THRB: variants seen among roughly 807,000 people sequenced by gnomAD.
THRB encodes the protein thyroid hormone receptor beta.
A neutral mutation model predicts 47.8 loss-of-function variants in THRB; 12 were observed. The ratio of observed to expected loss-of-function variants is 0.25; its 90% CI spans 0.16 to 0.41. The LOEUF (loss-of-function observed/expected upper bound fraction) is 0.41. Ranked by LOEUF, THRB falls within the 10% of genes least tolerant of loss-of-function variation. THRB has a pLI of 1.00. For missense variants in THRB, 348 were observed against 589.2 expected, an observed-to-expected ratio of 0.59 and a Z score of 4.24; for synonymous variants, 218 against 212.2, an observed-to-expected ratio of 1.03 and a Z score of -0.24.
chr3:24,416,772 T>A (rs1305321382), intron 1 of THRB, among the ~76,000 whole-genome samples: 1 of 151,792 alleles, frequency 6.6e-6, no homozygotes, highest in Non-Finnish European at 1.5e-5. Context: ...AAATGCAGAT[T>A]TCTAGGCCCT....
chr3:24,397,773 CG>C (rs1560098675), intron 1 of THRB, among the ~76,000 whole-genome samples: 20 of 151,736 alleles, frequency 1.3e-4, no homozygotes, highest in African/African-American at 4.4e-4. Flanking sequence ...TTAGTAGAGA[CG>C]GGGTTTCACT....
chr3:24,209,708 G>A (rs2045810995), intron 4 of THRB, among the ~76,000 whole-genome samples: 1 of 152,138 alleles, frequency 6.6e-6, no homozygotes, highest in South Asian at 2.1e-4. Flanking sequence ...ATAGCATTAG[G>A]AGATATACCT....
rs553652713 is a variant in THRB, at chr3:24,157,708, G to T, written c.284-5218C>A. Reference sequence around the variant, plus strand: ...ACCACACCTGGCTAATTTTGAAGTTGTTTCGTAGAGATGGGGTCTTGCTAT... The same window carrying T: ...ACCACACCTGGCTAATTTTGAAGTTTTTTCGTAGAGATGGGGTCTTGCTAT... On this transcript the variant is annotated intron_variant, in intron 5 of 10. Transcript: ENST00000646209. Among the ~76,000 whole-genome samples the T allele has an allele frequency of 1.2e-4, 19 of 152,036 alleles. No homozygotes were observed. In the South Asian group the frequency reaches 1.5e-3, roughly 12 times the overall value.
chr3:24,177,312 G>C (rs1294114468), intron 5 of THRB, among the ~76,000 whole-genome samples: 1 of 152,124 alleles, frequency 6.6e-6, no homozygotes, highest in Non-Finnish European at 1.5e-5. Context: ...ATCATCGCTT[G>C]GTTGTCAACA....
At chr3:24,140,890 A>G (rs2035354362) in intron 8 of THRB, among the ~76,000 whole-genome samples, 1 of 152,200 alleles carries the variant, frequency 6.6e-6, no homozygotes, top group African/African-American at 2.4e-5. Flanking sequence ...TCAAGTGTGG[A>G]GGCTGAATGG....
At chr3:24,310,849 G>A (rs1010391522) in intron 2 of THRB, among the ~76,000 whole-genome samples, 2 of 152,162 alleles carry the variant, frequency 1.3e-5, no homozygotes, top group Admixed American at 1.3e-4. Context: ...AATGTCAATA[G>A]TGCTGCTGTT....
chr3:24,351,299 G>T (rs2063338990), intron 1 of THRB, among the ~76,000 whole-genome samples: 2 of 151,982 alleles, frequency 1.3e-5, no homozygotes, highest in Admixed American at 1.3e-4. Context: ...AAATCTGAAA[G>T]TTACGTAAAG....
chr3:24,344,658 G>A (rs1400124119), intron 1 of THRB, among the ~76,000 whole-genome samples: 1 of 150,692 alleles, frequency 6.6e-6, no homozygotes, highest in African/African-American at 2.5e-5. Flanking sequence ...GTTTTAACCT[G>A]TAACACACAT....
intron 3 of THRB, among the ~76,000 whole-genome samples, chr3:24,288,900 T>G (rs769339921): frequency 4.6e-5 from 7 of 152,352 alleles, no homozygotes; most frequent in Admixed American, 4.6e-4. Flanking sequence ...TTGGTCGTTA[T>G]GTAAAATGTA....
intron 3 of THRB, among the ~76,000 whole-genome samples, chr3:24,253,542 A>G (rs574404084): frequency 5.3e-5 from 8 of 152,332 alleles, no homozygotes; most frequent in Non-Finnish European, 1.2e-4. Context: ...AGGACAGACA[A>G]TGATAGCAGT....
intron 2 of THRB, among the ~76,000 whole-genome samples, chr3:24,326,521 TCA>T (rs1457592108): frequency 6.6e-6 from 1 of 151,960 alleles, no homozygotes; most frequent in Non-Finnish European, 1.5e-5. Flanking sequence ...CAGGCATGAG[TCA>T]CCGTTCCCGG....
rs59502702 is a variant in THRB at position 24,191,027 on chromosome 3, G to A, written c.23-693C>T. Among the ~76,000 whole-genome samples the A allele has an allele frequency of 3.5e-3, 537 of 152,118 alleles. 5 individuals carry two copies. Among genetic ancestry groups the A allele is most frequent in the African/African-American group, 0.012 (494 of 41,520 alleles). On this transcript the variant is annotated intron_variant, in intron 4 of 10. Transcript: ENST00000646209. Reference sequence around the variant, plus strand: ...AAATTAAGAGCCCTAATGATAGAATGATGAACTTAAATTCTTTGGAGTACA... The same window carrying A: ...AAATTAAGAGCCCTAATGATAGAATAATGAACTTAAATTCTTTGGAGTACA...
intron 1 of THRB, among the ~76,000 whole-genome samples, chr3:24,384,206 G>A (rs924448891): frequency 2.6e-5 from 4 of 152,070 alleles, no homozygotes; most frequent in African/African-American, 9.7e-5. Flanking sequence ...GGGCAAGTCT[G>A]GATTTAGAAT....
At chr3:24,367,782 G>A (rs543596635) in intron 1 of THRB, among the ~76,000 whole-genome samples, 23 of 152,238 alleles carry the variant, frequency 1.5e-4, no homozygotes, top group Non-Finnish European at 3.1e-4. Flanking sequence ...CAGTACTGCC[G>A]GGCTTGCAGG....
intron 1 of THRB, among the ~76,000 whole-genome samples, chr3:24,422,648 T>C (rs2069378096): frequency 6.6e-6 from 1 of 151,914 alleles, no homozygotes; most frequent in Non-Finnish European, 1.5e-5. Flanking sequence ...CAGCTGCTGC[T>C]GAAGATTCTT....
chr3:24,231,803 T>C (rs982925932), intron 3 of THRB, among the ~76,000 whole-genome samples: 3 of 152,118 alleles, frequency 2.0e-5, no homozygotes, highest in Non-Finnish European at 4.4e-5. Context: ...TTCCACAGCC[T>C]TGGCAGAGGC....
At chr3:24,348,049 A>G (rs940682636) in intron 1 of THRB, among the ~76,000 whole-genome samples, 1 of 152,174 alleles carries the variant, frequency 6.6e-6, no homozygotes, top group Non-Finnish European at 1.5e-5. Context: ...GAAAATTATC[A>G]ACTAGTATTT....
rs1036963399 is a variant in THRB, at chr3:24,399,430, C to T, written c.-260-62059G>A. ...AGCACTAGCTATATGATTTATCTGGCCCAGAGCAAAATGAAAATTCAGGGC... is the reference window on the plus strand; with the variant it reads ...AGCACTAGCTATATGATTTATCTGGTCCAGAGCAAAATGAAAATTCAGGGC... On this transcript the variant is annotated intron_variant, in intron 1 of 10. Coordinates refer to ENST00000646209, the MANE Select transcript of THRB (RefSeq NM_001354712.2). Among the ~76,000 whole-genome samples, 66 of 151,928 alleles carry T rather than the reference C, an allele frequency of 4.3e-4. 1 individual carries two copies. The highest frequency in any genetic ancestry group is 3.9e-4 in the Admixed American group (6 of 15,246).
At chr3:24,319,279 T>G (rs915203610) in intron 2 of THRB, among the ~76,000 whole-genome samples, 1 of 152,216 alleles carries the variant, frequency 6.6e-6, no homozygotes. Flanking sequence ...GAAATGGATA[T>G]GTCCACCAAA....
Sources: allele counts gnomAD v4.1 joint callset (sites outside exome capture counted in the v4.1 genomes callset), GRCh38; gene constraint gnomAD v4.1.1; transcripts MANE v1.5; gene names NCBI Gene and HGNC (gene_info 2026-07-23, HGNC 2026-07-21).